The following GSE1 variants were observed in gnomAD, a reference collection of about 807,000 sequenced individuals.
GSE1 encodes the protein genetic suppressor element 1.
A neutral mutation model predicts 112.6 loss-of-function variants in GSE1; 32 were observed. The observed-to-expected ratio is 0.28, with a 90% CI of 0.21 to 0.38. The LOEUF (loss-of-function observed/expected upper bound fraction) is 0.38, where lower values mean the gene tolerates loss of function less well. Among genes scored for constraint, GSE1 ranks in the 10% least tolerant of loss-of-function variants. The probability of loss-of-function intolerance (pLI) is 1.00; values close to 1 mark genes in which losing one functional copy is unlikely to be tolerated. For missense variants in GSE1, 2,348 were observed against 1,699.2 expected, an observed-to-expected ratio of 1.38 and a Z score of -6.71; for synonymous variants, 1,115 against 735.6, an observed-to-expected ratio of 1.52 and a Z score of -8.35.
Position 85,361,313 on chromosome 16 carries a change from A to AC in GSE1, c.2464+3677dup, listed in dbSNP as rs5818529. 5.5e-4 allele frequency among the ~76,000 whole-genome samples: 56 copies of AC among 102,644 alleles called. 3 individuals are homozygous for AC. In the East Asian group the frequency reaches 0.015, roughly 27 times the overall value. The allele number at this position is 102,644 out of a possible 152,430, so 67.3% of individuals were successfully genotyped here. On this transcript the variant is annotated intron_variant, in intron 2 of 2. Transcript: ENST00000637419. ...CAGAGACACACAGAGACAGGCACAG[A>AC]CCCCCCCACACACAAACACACACAC...
chr16:85,667,077 C>G (rs1018856314), intron 13 of GSE1, among the ~76,000 whole-genome samples: 1 of 152,350 alleles, frequency 6.6e-6, no homozygotes, highest in African/African-American at 2.4e-5. Context: ...TTTTGGTATT[C>G]ACAGGAGGTT....
intron 2 of GSE1, among the ~76,000 whole-genome samples, chr16:85,499,871 C>CA (rs1267756369): frequency 2.0e-5 from 3 of 152,130 alleles, no homozygotes; most frequent in Non-Finnish European, 4.4e-5. Context: ...CCAAGCATCA[C>CA]GTACATGGGA....
chr16:85,663,239 C>T, intron 10 of GSE1, 105 bp from the exon 11 acceptor site: 1 of 1,380,696 alleles, frequency 7.2e-7, no homozygotes, highest in Non-Finnish European at 1.0e-6. Flanking sequence ...CCAGGCGCAG[C>T]CAGCTACGGC....
intron 1 of GSE1, among the ~76,000 whole-genome samples, chr16:85,596,595 ACTAT>A (rs1216377820): frequency 6.6e-6 from 1 of 152,226 alleles, no homozygotes; most frequent in Admixed American, 6.5e-5. Context: ...TACAGTAGCC[ACTAT>A]CTATTTATGC....
chr16:85,449,677 G>A (rs2049619030), intron 2 of GSE1, among the ~76,000 whole-genome samples: 4 of 152,214 alleles, frequency 2.6e-5, no homozygotes, highest in African/African-American at 9.6e-5. Context: ...TAGCCTTTGA[G>A]GAGGGGCCAG....
At chr16:85,396,244 C>T (rs1274199476) in intron 2 of GSE1, among the ~76,000 whole-genome samples, 1 of 152,216 alleles carries the variant, frequency 6.6e-6, no homozygotes, top group Non-Finnish European at 1.5e-5. Context: ...AACACGCTGT[C>T]CTGCTCACTC....
chr16:85,673,431 G>C lies in GSE1; in HGVS notation c.*892G>C, dbSNP rs11544837. The C allele has an allele frequency of 2.3e-5, 3 of 132,964 alleles. No homozygotes were observed. The highest frequency in any genetic ancestry group is 8.6e-5 in the African/African-American group (3 of 35,010). The allele number at this position is 132,964 out of a possible 1,614,324, so 8.2% of individuals were successfully genotyped here. A position where few individuals can be genotyped will look rare whatever the true frequency, so the allele number is the denominator to read the frequency against. ...TATGTGGTTTGGGGGATTTTTGTTT[G>C]TTTTTCCTGTTTGGGGGTTTTGTTT... On this transcript the variant is annotated 3_prime_UTR_variant, in exon 16 of 16. Transcript: ENST00000253458.
chr16:85,383,308 A>G (rs2047601734), intron 2 of GSE1, among the ~76,000 whole-genome samples: 1 of 151,758 alleles, frequency 6.6e-6, no homozygotes, highest in African/African-American at 2.4e-5. Context: ...ACAAACATGT[A>G]CATACACAGT....
Position 85,200,389 on chromosome 16 carries a change from G to A in GSE1, c.2283+28582G>A, listed in dbSNP as rs1023821783. 5.3e-5 allele frequency among the ~76,000 whole-genome samples: 8 copies of A among 151,842 alleles called. No homozygotes were observed. The East Asian group carries it at 5.8e-4, about 11-fold the overall frequency. On this transcript the variant is annotated intron_variant, in intron 1 of 2. Transcript: ENST00000637419. ...GCATTTTCCTGGGGGCTTGGGTCTC[G>A]GTGGCTGCAAGTATCCTCCATCTCC...
rs1491521509 is a variant in GSE1 at position 85,331,708 on chromosome 16, T to TATA, written c.2284-25755_2284-25754insATA. Among the ~76,000 whole-genome samples the TATA allele has an allele frequency of 3.8e-4, 5 of 13,116 alleles. 1 individual carries two copies. The highest frequency in any genetic ancestry group is 5.1e-4 in the Non-Finnish European group (3 of 5,832). 8.6% of individuals were successfully genotyped at this position (13,116 alleles called of 152,430 possible). A position where few individuals can be genotyped will look rare whatever the true frequency, so the allele number is the denominator to read the frequency against. On this transcript the variant is annotated intron_variant, in intron 1 of 2. Transcript: ENST00000637419. Reference sequence around the variant, plus strand: ...GTGTATATATATATATATATATATATTTTTTTTTTTTTTTTTTTTAGTTAA... The same window carrying TATA: ...GTGTATATATATATATATATATATATATATTTTTTTTTTTTTTTTTTTAGTTAA...
At chr16:85,192,763 G>A (rs1213671031) in intron 1 of GSE1, among the ~76,000 whole-genome samples, 2 of 152,230 alleles carry the variant, frequency 1.3e-5, no homozygotes, top group Non-Finnish European at 2.9e-5. Context: ...CAGCCTCTGG[G>A]TGGCTTCCCT....
chr16:85,468,312 CTT>C (rs55873035), intron 2 of GSE1, among the ~76,000 whole-genome samples: 51 of 116,698 alleles, frequency 4.4e-4, no homozygotes, highest in African/African-American at 1.5e-3. Context: ...CCCTTCTTTC[CTT>C]TTTTTTTTTT....
intron 1 of GSE1, among the ~76,000 whole-genome samples, chr16:85,571,725 G>A (rs189067965): frequency 2.0e-5 from 3 of 152,332 alleles, no homozygotes; most frequent in East Asian, 3.9e-4. Flanking sequence ...ACTGCAGGAG[G>A]CCCCAGCAAG....
intron 2 of GSE1, among the ~76,000 whole-genome samples, chr16:85,369,912 G>T (rs919673447): frequency 6.6e-6 from 1 of 152,212 alleles, no homozygotes; most frequent in African/African-American, 2.4e-5. Flanking sequence ...GGGCCCCACT[G>T]CCTGGCTCAA....
intron 1 of GSE1, among the ~76,000 whole-genome samples, chr16:85,631,346 T>G (rs1157728648): frequency 6.6e-6 from 1 of 152,240 alleles, no homozygotes; most frequent in Non-Finnish European, 1.5e-5. Context: ...TCCCCCATCC[T>G]CCAGTGTCCT....
At chr16:85,619,072 G>A (rs2048559980) in intron 1 of GSE1, among the ~76,000 whole-genome samples, 2 of 152,180 alleles carry the variant, frequency 1.3e-5, no homozygotes, top group Admixed American at 6.5e-5. Context: ...TGCTTTTTCT[G>A]CCCTAAGGCT....
intron 1 of GSE1, among the ~76,000 whole-genome samples, chr16:85,186,022 C>T (rs55810147): frequency 0.15 from 22,339 of 152,188 alleles, 1,836 homozygotes; most frequent in Middle Eastern, 0.27. Flanking sequence ...TGGAAGCCAG[C>T]GCGAGAGACC....
intron 1 of GSE1, among the ~76,000 whole-genome samples, chr16:85,186,024 C>T (rs12599121): frequency 0.45 from 68,623 of 152,042 alleles, 15,728 homozygotes; most frequent in South Asian, 0.54. Context: ...GAAGCCAGCG[C>T]GAGAGACCAC....
chr16:85,656,750 CGTG>C (rs2051993692), intron 7 of GSE1, 85 bp downstream of exon 7: 2 of 1,431,984 alleles, frequency 1.4e-6, no homozygotes, highest in Non-Finnish European at 1.8e-6. Flanking sequence ...TGCCGGTTGC[CGTG>C]GTGTAAATGT....
Sources: allele counts gnomAD v4.1 joint callset (sites outside exome capture counted in the v4.1 genomes callset), GRCh38; gene constraint gnomAD v4.1.1; transcripts MANE v1.5; gene names NCBI Gene and HGNC (gene_info 2026-07-23, HGNC 2026-07-21).